DACH1: variants seen among roughly 807,000 people sequenced by gnomAD.
DACH1 encodes the protein dachshund family transcription factor 1.
A neutral mutation model predicts 54.2 loss-of-function variants in DACH1; 12 were observed. That is an observed-to-expected ratio of 0.22 (90% CI 0.14 to 0.36). The LOEUF (loss-of-function observed/expected upper bound fraction) is 0.36, where lower values mean the gene tolerates loss of function less well. DACH1 is among the 10% of genes least tolerant of loss of function. DACH1 has a pLI of 1.00. For missense variants in DACH1, 805 were observed against 929.8 expected, an observed-to-expected ratio of 0.87 and a Z score of 1.75; for synonymous variants, 386 against 366.2, an observed-to-expected ratio of 1.05 and a Z score of -0.62.
At chr13:71,677,504 T>C (rs1196338550) in intron 2 of DACH1, among the ~76,000 whole-genome samples, 1 of 152,182 alleles carries the variant, frequency 6.6e-6, no homozygotes, top group Non-Finnish European at 1.5e-5. Flanking sequence ...GTTTGTTGTT[T>C]TGTTTTGTAT....
chr13:71,639,207 C>T (rs540053187), intron 2 of DACH1, among the ~76,000 whole-genome samples: 126 of 152,216 alleles, frequency 8.3e-4, no homozygotes, highest in African/African-American at 2.4e-3. Flanking sequence ...TTTCTCAATG[C>T]TTTCTAAATA....
At chr13:71,733,379 A>G (rs1883839544) in intron 1 of DACH1, among the ~76,000 whole-genome samples, 1 of 151,868 alleles carries the variant, frequency 6.6e-6, no homozygotes, top group Non-Finnish European at 1.5e-5. Context: ...ATAAGGTCTC[A>G]CTCTATTGCC....
intron 1 of DACH1, among the ~76,000 whole-genome samples, chr13:71,694,873 T>C (rs570557772): frequency 4.6e-5 from 7 of 152,226 alleles, no homozygotes; most frequent in Non-Finnish European, 8.8e-5. Context: ...TAGAATTCTT[T>C]TGAGCACTTT....
rs1288078922 is a variant in DACH1 at position 71,547,753 on chromosome 13, A to G, written c.1570+9271T>C. ...TAAACATAATAACCACTAGTTCCAT[A>G]TTAACTTTTGATCTATTTCATATAA... On this transcript the variant is annotated intron_variant, in intron 6 of 10. Coordinates refer to ENST00000613252, the MANE Select transcript of DACH1 (RefSeq NM_080759.6). Among the ~76,000 whole-genome samples the G allele has an allele frequency of 3.9e-5, 6 of 152,150 alleles. No homozygotes were observed. The East Asian group carries it at 9.6e-4, about 24-fold the overall frequency.
intron 1 of DACH1, among the ~76,000 whole-genome samples, chr13:71,818,228 A>G (rs1422986151): frequency 6.6e-6 from 1 of 152,228 alleles, no homozygotes; most frequent in Non-Finnish European, 1.5e-5. Context: ...ACAAGAAAAT[A>G]AAAGAAATAT....
chr13:71,487,416 A>AT (rs1475084357), intron 7 of DACH1, among the ~76,000 whole-genome samples: 2 of 151,334 alleles, frequency 1.3e-5, no homozygotes, highest in Non-Finnish European at 2.9e-5. Flanking sequence ...TCTTTCTTTT[A>AT]TTTTTTCTTT....
chr13:71,481,999 A>C lies in DACH1; in HGVS notation c.1723-2683T>G, dbSNP rs142001759. Among the ~76,000 whole-genome samples the C allele has an allele frequency of 4.4e-3, 669 of 152,334 alleles. 4 individuals are homozygous for C. The highest frequency in any genetic ancestry group is 7.4e-3 in the Non-Finnish European group (506 of 68,038). On this transcript the variant is annotated intron_variant, in intron 7 of 10. Coordinates refer to ENST00000613252, the MANE Select transcript of DACH1 (RefSeq NM_080759.6). ...ATGACAAAAAACGATAGAAGGTTTA[A>C]AGCATGATTTTTTCTCCAAGGGGAG...
At chr13:71,705,742 T>A (rs1339630766) in intron 1 of DACH1, among the ~76,000 whole-genome samples, 1 of 152,070 alleles carries the variant, frequency 6.6e-6, no homozygotes, top group Non-Finnish European at 1.5e-5. Context: ...GATCTCTATA[T>A]GAAAAGTCTT....
At chr13:71,455,655 G>GTTGT in intron 10 of DACH1, among the ~76,000 whole-genome samples, 1 of 152,200 alleles carries the variant, frequency 6.6e-6, no homozygotes, top group South Asian at 2.1e-4. Flanking sequence ...TACTGCTGAA[G>GTTGT]TTGTTACAGT....
chr13:71,440,983 T>G (rs1021759655), intron 10 of DACH1, among the ~76,000 whole-genome samples: 4 of 152,054 alleles, frequency 2.6e-5, no homozygotes, highest in Admixed American at 6.6e-5. Context: ...TGTATTTTAC[T>G]GATATGCAAA....
At chr13:71,640,857 C>T (rs894942295) in intron 2 of DACH1, among the ~76,000 whole-genome samples, 8 of 152,042 alleles carry the variant, frequency 5.3e-5, no homozygotes, top group Non-Finnish European at 7.4e-5. Flanking sequence ...ATACGATAAT[C>T]GTAATTTCCT....
chr13:71,551,413 T>A (rs1418478913), intron 6 of DACH1, among the ~76,000 whole-genome samples: 2 of 152,166 alleles, frequency 1.3e-5, no homozygotes, highest in Admixed American at 1.3e-4. Context: ...TCTTATTTCA[T>A]CTATCTAACT....
rs556260244 is a variant in DACH1 at position 71,440,573 on chromosome 13, T to A, written c.*82A>T. 105 of 1,141,920 alleles carry A rather than the reference T, an allele frequency of 9.2e-5. No homozygotes were observed. The South Asian group carries it at 1.4e-3, about 16-fold the overall frequency. 70.7% of individuals were successfully genotyped at this position (1,141,920 alleles called of 1,614,324 possible). On this transcript the variant is annotated 3_prime_UTR_variant, in exon 11 of 11. Coordinates refer to ENST00000613252, the MANE Select transcript of DACH1 (RefSeq NM_080759.6). ...TCAGGAAGTTCCCTTAAAAGGACTT[T>A]ATTTTTTTCTGAACTTTCCCATGAC...
chr13:71,809,502 C>T (rs375970182), intron 1 of DACH1, among the ~76,000 whole-genome samples: 5 of 152,214 alleles, frequency 3.3e-5, no homozygotes, highest in South Asian at 4.1e-4. Flanking sequence ...AAGATGTGCA[C>T]TTTTGAAATT....
chr13:71,753,193 C>T (rs761641852), intron 1 of DACH1, among the ~76,000 whole-genome samples: 1 of 152,148 alleles, frequency 6.6e-6, no homozygotes, highest in Non-Finnish European at 1.5e-5. Flanking sequence ...CTCTCAATTC[C>T]ACTTTCCAAT....
chr13:71,523,656 T>A (rs1881755741), intron 6 of DACH1, among the ~76,000 whole-genome samples: 2 of 152,100 alleles, frequency 1.3e-5, no homozygotes, highest in Non-Finnish European at 2.9e-5. Context: ...TCTCTTAGAT[T>A]TGAACATTAT....
chr13:71,835,259 G>A (rs1220410280), intron 1 of DACH1, among the ~76,000 whole-genome samples: 1 of 151,908 alleles, frequency 6.6e-6, no homozygotes, highest in African/African-American at 2.4e-5. Context: ...GGCAAATAAA[G>A]GCTTGTTTAC....
At chr13:71,766,351 A>G (rs1885628943) in intron 1 of DACH1, among the ~76,000 whole-genome samples, 1 of 152,164 alleles carries the variant, frequency 6.6e-6, no homozygotes, top group Non-Finnish European at 1.5e-5. Flanking sequence ...GGCTTCATTC[A>G]GCTCTTGAGA....
intron 10 of DACH1, among the ~76,000 whole-genome samples, chr13:71,461,281 T>A (rs1004752682): frequency 6.6e-6 from 1 of 152,066 alleles, no homozygotes; most frequent in Non-Finnish European, 1.5e-5. Context: ...CAAAATATTA[T>A]CTCAAAAGTA....
Sources: allele counts gnomAD v4.1 joint callset (sites outside exome capture counted in the v4.1 genomes callset), GRCh38; gene constraint gnomAD v4.1.1; transcripts MANE v1.5; gene names NCBI Gene and HGNC (gene_info 2026-07-23, HGNC 2026-07-21).